Variants in PDPK1 observed in about 807,000 individuals in gnomAD.
PDPK1 encodes 3-phosphoinositide-dependent protein kinase 1.
Under a neutral mutation model 39.8 loss-of-function variants are expected in PDPK1, and 7 were observed. The ratio of observed to expected loss-of-function variants is 0.18; its 90% CI spans 0.10 to 0.33. PDPK1 has a LOEUF of 0.33. Ranked by LOEUF, PDPK1 falls within the 10% of genes least tolerant of loss-of-function variation. The probability of loss-of-function intolerance (pLI) is 1.00; values close to 1 mark genes in which losing one functional copy is unlikely to be tolerated. For synonymous variants in PDPK1, 118 were observed against 159.1 expected (o/e 0.74, Z 1.95); for missense variants, 182 against 384.7 (o/e 0.47, Z 4.41).
chr16:2,541,478 C>G (rs1258646762), intron 1 of PDPK1, among the ~76,000 whole-genome samples: 1 of 152,174 alleles, frequency 6.6e-6, no homozygotes, highest in African/African-American at 2.4e-5. Context: ...GGCACTTTCC[C>G]CTTCTGAGGA....
At chr16:2,538,340 C>T (rs2066175636) in intron 1 of PDPK1, 4 of 398,482 alleles carry the variant, frequency 1.0e-5, no homozygotes, top group Admixed American at 3.7e-5. Context: ...TGGGTTGCGG[C>T]GGGCGGCGGC....
intron 1 of PDPK1, among the ~76,000 whole-genome samples, chr16:2,546,437 G>T (rs1445067455): frequency 6.6e-6 from 1 of 152,108 alleles, no homozygotes. Flanking sequence ...CGGTTCAAGC[G>T]ATTCTCCTGC....
chr16:2,546,433 A>G (rs1286010336), intron 1 of PDPK1, among the ~76,000 whole-genome samples: 4 of 152,084 alleles, frequency 2.6e-5, no homozygotes, highest in Non-Finnish European at 5.9e-5. Context: ...TCCCCGGTTC[A>G]AGCGATTCTC....
At chr16:2,546,526 G>A (rs372130201) in intron 1 of PDPK1, among the ~76,000 whole-genome samples, 1 of 152,186 alleles carries the variant, frequency 6.6e-6, no homozygotes, top group Non-Finnish European at 1.5e-5. Context: ...TAGAGATGGG[G>A]TTTCACCATG....
chr16:2,591,418 G>T (rs1379687924), intron 11 of PDPK1, among the ~76,000 whole-genome samples: 2 of 152,206 alleles, frequency 1.3e-5, no homozygotes, highest in African/African-American at 4.8e-5. Context: ...TAGTGTCACG[G>T]TGTGTGGAAA....
intron 1 of PDPK1, among the ~76,000 whole-genome samples, chr16:2,546,446 G>A (rs2066348724): frequency 6.6e-6 from 1 of 152,174 alleles, no homozygotes; most frequent in African/African-American, 2.4e-5. Flanking sequence ...CGATTCTCCT[G>A]CCTCAGCCTC....
chr16:2,542,325 A>T (rs2066259879), intron 1 of PDPK1, among the ~76,000 whole-genome samples: 1 of 151,930 alleles, frequency 6.6e-6, no homozygotes, highest in Non-Finnish European at 1.5e-5. Context: ...TACATTATTT[A>T]TTTATTTAAT....
rs2067137134 is a variant in PDPK1 at position 2,597,937 on chromosome 16, C to G, written c.*170C>G. 5.1e-6 allele frequency: 3 copies of G among 592,282 alleles called. No individual in the cohort carries two copies. In the East Asian group the frequency reaches 8.4e-5, roughly 17 times the overall value. The allele number at this position is 592,282 out of a possible 1,614,324, so 36.7% of individuals were successfully genotyped here. On this transcript the variant is annotated 3_prime_UTR_variant, in exon 14 of 14. Coordinates refer to ENST00000342085, the MANE Select transcript of PDPK1 (RefSeq NM_002613.5). The surrounding 1 kb of genome is among the most constrained non-coding windows in gnomAD (Gnocchi z 6.3). ...GAAAAGAAGAAAAAAAACACCCAAC[C>G]ACACAAAGAACAAAACCAGTAACAA...
rs772425944 is a variant in PDPK1 at position 2,603,070 on chromosome 16, T to G, written c.*5303T>G. ...TGGGTCAGTGATTTAATCATATAAT[T>G]TAATGAATCTGTTTATCCTTTTTTT... On this transcript the variant is annotated 3_prime_UTR_variant, in exon 14 of 14. Coordinates refer to ENST00000342085, the MANE Select transcript of PDPK1 (RefSeq NM_002613.5). 5.0e-4 allele frequency: 115 copies of G among 229,382 alleles called. No homozygotes were observed. The highest frequency in any genetic ancestry group is 8.0e-4 in the Non-Finnish European group (92 of 115,580). 14.2% of individuals were successfully genotyped at this position (229,382 alleles called of 1,614,324 possible).
At chr16:2,541,777 T>G (rs1032825154) in intron 1 of PDPK1, among the ~76,000 whole-genome samples, 3 of 152,222 alleles carry the variant, frequency 2.0e-5, no homozygotes, top group African/African-American at 4.8e-5. Context: ...ACAGCAGAAT[T>G]GCATTATTCA....
At chr16:2,544,752 T>A (rs573008644) in intron 1 of PDPK1, among the ~76,000 whole-genome samples, 2 of 151,756 alleles carry the variant, frequency 1.3e-5, no homozygotes, top group African/African-American at 4.8e-5. Flanking sequence ...CCCGGCTAAT[T>A]TTTTTGTATT....
At chr16:2,546,294 G>C (rs534101293) in intron 1 of PDPK1, among the ~76,000 whole-genome samples, 2 of 151,518 alleles carry the variant, frequency 1.3e-5, no homozygotes, top group Non-Finnish European at 2.9e-5. Flanking sequence ...ATCTTGGTTA[G>C]GCTAATCTTG....
chr16:2,551,892 C>T (rs2066419420), intron 1 of PDPK1, among the ~76,000 whole-genome samples: 1 of 151,434 alleles, frequency 6.6e-6, no homozygotes, highest in Non-Finnish European at 1.5e-5. Context: ...TCTCAAACTC[C>T]TGATCTCAGA....
At position 2,538,083 on chromosome 16, in the gene PDPK1, G is replaced by T. The variant is rs1042538804; in HGVS notation, c.-30G>T. 4.8e-6 allele frequency: 5 copies of T among 1,040,286 alleles called. No individual in the cohort carries two copies. Among genetic ancestry groups the T allele is most frequent in the Admixed American group, 5.6e-5 (1 of 17,934 alleles). 64.4% of individuals were successfully genotyped at this position (1,040,286 alleles called of 1,614,324 possible). A position where few individuals can be genotyped will look rare whatever the true frequency, so the allele number is the denominator to read the frequency against. ...GAGGCGCCGAGCCGCGCAGCGCTGC[G>T]GGGGAGGCGCCCGCGCCGACGCGGG... is the stretch of plus-strand genomic sequence containing the variant. On this transcript the variant is annotated 5_prime_UTR_variant, in exon 1 of 14. Transcript: ENST00000342085.
chr16:2,543,648 C>T (rs911444057), intron 1 of PDPK1, among the ~76,000 whole-genome samples: 3 of 151,774 alleles, frequency 2.0e-5, no homozygotes, highest in African/African-American at 7.3e-5. Flanking sequence ...TTCCTCCTTG[C>T]CTAGAGAAAT....
chr16:2,541,551 C>G (rs1227583590), intron 1 of PDPK1, among the ~76,000 whole-genome samples: 4 of 152,182 alleles, frequency 2.6e-5, no homozygotes, highest in Non-Finnish European at 5.9e-5. Context: ...TGCAGAGAAG[C>G]CCTGGGTGCA....
chr16:2,541,754 C>T (rs998631739), intron 1 of PDPK1, among the ~76,000 whole-genome samples: 2 of 152,304 alleles, frequency 1.3e-5, no homozygotes, highest in African/African-American at 2.4e-5. Context: ...TCTTTTCAGC[C>T]GTGCATTCTT....
Position 2,597,105 on chromosome 16 carries a change from T to C in PDPK1, c.1402-18T>C, listed in dbSNP as rs1189962264. 1 of 1,540,660 alleles carries C rather than the reference T, an allele frequency of 6.5e-7. No homozygotes were observed. The highest frequency in any genetic ancestry group is 1.2e-5 in the South Asian group (1 of 80,188). ...AGCACTGGCCTCTGAGGCCTGTTGT[T>C]TTGTGTTTTGGCGTCAGGGTTTATT... On this transcript the variant is annotated intron_variant, in intron 12 of 13. Transcript: ENST00000342085. The surrounding 1 kb of genome is among the most constrained non-coding windows in gnomAD (Gnocchi z 6.3).
At chr16:2,552,078 C>T (rs775356160) in intron 1 of PDPK1, among the ~76,000 whole-genome samples, 1 of 151,428 alleles carries the variant, frequency 6.6e-6, no homozygotes, top group Non-Finnish European at 1.5e-5. Context: ...AGGTGATTCT[C>T]CTGCCTCAGC....
Sources: gnomAD v4.1 joint callset for allele counts (sites outside exome capture counted in the v4.1 genomes callset) on GRCh38, gnomAD v4.1.1 for gene constraint, Gnocchi (gnomAD v3.1) non-coding constraint, MANE v1.5 for transcripts, NCBI Gene and HGNC (gene_info 2026-07-23, HGNC 2026-07-21) for gene names.